The following SGCD variants were observed in gnomAD, a reference collection of about 807,000 sequenced individuals.
SGCD encodes the protein sarcoglycan delta.
In SGCD, 18 loss-of-function variants were observed where a neutral mutation model predicts 36.6. The observed-to-expected ratio is 0.49, with a 90% CI of 0.34 to 0.73. The LOEUF (loss-of-function observed/expected upper bound fraction) is 0.73, where lower values mean the gene tolerates loss of function less well. Among genes scored for constraint, SGCD ranks in the 30% least tolerant of loss-of-function variants. The pLI, the probability that SGCD is intolerant of heterozygous loss-of-function variation, is 0.01. For synonymous variants in SGCD, 133 were observed against 130.6 expected (o/e 1.02, Z -0.12); for missense variants, 387 against 346.7 (o/e 1.12, Z -0.92).
chr5:156,366,714 C>T (rs1770126112), intron 3 of SGCD, among the ~76,000 whole-genome samples: 1 of 152,070 alleles, frequency 6.6e-6, no homozygotes, highest in South Asian at 2.1e-4. Flanking sequence ...TGAGCTGAAC[C>T]TAGTGTCAGT....
chr5:156,591,079 C>A (rs1760707030), intron 5 of SGCD, among the ~76,000 whole-genome samples: 1 of 152,022 alleles, frequency 6.6e-6, no homozygotes, highest in South Asian at 2.1e-4. Context: ...TGCAACAATA[C>A]ACCCTTAAAA....
intron 3 of SGCD, among the ~76,000 whole-genome samples, chr5:156,145,419 A>G (rs1762687378): frequency 6.6e-6 from 1 of 152,198 alleles, no homozygotes; most frequent in African/African-American, 2.4e-5. Context: ...CCAGTCTCAG[A>G]TATTTCTTTA....
At chr5:156,671,707 A>G (rs948358070) in intron 7 of SGCD, among the ~76,000 whole-genome samples, 1 of 152,194 alleles carries the variant, frequency 6.6e-6, no homozygotes, top group African/African-American at 2.4e-5. Context: ...GTGTCAGTGC[A>G]TTTTGCATTG....
intron 3 of SGCD, among the ~76,000 whole-genome samples, chr5:156,146,278 TA>T (rs1283224235): frequency 1.3e-5 from 2 of 152,156 alleles, no homozygotes; most frequent in Non-Finnish European, 2.9e-5. Context: ...CATTCAAAGA[TA>T]AATAAACATC....
chr5:156,347,691 C>A (rs1332074561), intron 3 of SGCD, among the ~76,000 whole-genome samples: 1 of 152,056 alleles, frequency 6.6e-6, no homozygotes, highest in Non-Finnish European at 1.5e-5. Flanking sequence ...TTTGTAGAAC[C>A]TGTAAGATTT....
chr5:156,106,147 G>A (rs996615783), intron 1 of SGCD, among the ~76,000 whole-genome samples: 8 of 146,858 alleles, frequency 5.4e-5, no homozygotes, highest in Non-Finnish European at 9.0e-5. Flanking sequence ...AAAGAAAGCA[G>A]GAGAATAATA....
intron 3 of SGCD, among the ~76,000 whole-genome samples, chr5:156,438,603 T>C (rs574748468): frequency 2.0e-5 from 3 of 152,276 alleles, no homozygotes; most frequent in Admixed American, 1.3e-4. Flanking sequence ...TTCTCTCCTG[T>C]TTATAAAATT....
chr5:155,770,111 T>G, the SGCD span, among the ~76,000 whole-genome samples: 1 of 152,104 alleles, frequency 6.6e-6, no homozygotes, highest in Non-Finnish European at 1.5e-5. Context: ...CCTGGTATCG[T>G]GCTGGGTGCT....
At chr5:156,224,886 G>T (rs1001159306) in intron 3 of SGCD, among the ~76,000 whole-genome samples, 2 of 152,066 alleles carry the variant, frequency 1.3e-5, no homozygotes, top group African/African-American at 4.8e-5. Context: ...TATTGTACAA[G>T]ATAAAGTAGA....
intron 3 of SGCD, among the ~76,000 whole-genome samples, chr5:156,171,101 A>G (rs1038321754): frequency 1.3e-5 from 2 of 152,186 alleles, no homozygotes; most frequent in African/African-American, 4.8e-5. Context: ...GGACATTGGA[A>G]ATATACATCT....
rs546837996 is a variant in SGCD at position 156,250,874 on chromosome 5, G to C, written c.-43-78660G>C. On this transcript the variant is annotated intron_variant, in intron 3 of 9. Transcript: ENST00000517913. Reference sequence around the variant, plus strand: ...GTGTAAGTCTGTAGGGAAAGTAATGGTAATAAAGAGATAACCAAGTATCTT... The same window carrying C: ...GTGTAAGTCTGTAGGGAAAGTAATGCTAATAAAGAGATAACCAAGTATCTT... Among the ~76,000 whole-genome samples, 9 of 152,126 alleles carry C rather than the reference G, an allele frequency of 5.9e-5. No homozygotes were observed. In the East Asian group the frequency reaches 1.7e-3, roughly 29 times the overall value.
At chr5:156,077,679 A>G (rs1260834943) in intron 1 of SGCD, among the ~76,000 whole-genome samples, 1 of 152,062 alleles carries the variant, frequency 6.6e-6, no homozygotes, top group East Asian at 1.9e-4. Context: ...TAGTCTTGAA[A>G]TCTTCATTTA....
chr5:156,139,783 C>T (rs1320283742), intron 3 of SGCD, among the ~76,000 whole-genome samples: 1 of 152,080 alleles, frequency 6.6e-6, no homozygotes, highest in African/African-American at 2.4e-5. Context: ...TGCTATGGTT[C>T]GAAGGATGAT....
rs187625505 is a variant in SGCD, at chr5:156,469,303, C to T, written c.193-39298C>T. Among the ~76,000 whole-genome samples the T allele has an allele frequency of 8.2e-3, 1,252 of 152,238 alleles. 20 individuals carry two copies. Among genetic ancestry groups the T allele is most frequent in the African/African-American group, 0.029 (1,195 of 41,542 alleles). ...CCATGACACAAAAGGATTAACAAAT[C>T]GTGTTATTAAACAGTCCAAAAGCGT... is the stretch of plus-strand genomic sequence containing the variant. On this transcript the variant is annotated intron_variant, in intron 3 of 8. Transcript: ENST00000337851.
chr5:155,768,412 T>C, the SGCD span, among the ~76,000 whole-genome samples: 3 of 152,048 alleles, frequency 2.0e-5, no homozygotes, highest in African/African-American at 7.2e-5. Context: ...TATTAGACAC[T>C]GAGATACAAT....
chr5:155,958,009 A>T (rs1757702058), intron 1 of SGCD, among the ~76,000 whole-genome samples: 1 of 152,026 alleles, frequency 6.6e-6, no homozygotes, highest in African/African-American at 2.4e-5. Context: ...AGGAAAGTCA[A>T]CAGCTGGGAG....
At chr5:155,807,005 ATAAT>A in the SGCD span, among the ~76,000 whole-genome samples, 1 of 152,248 alleles carries the variant, frequency 6.6e-6, no homozygotes, top group Admixed American at 6.5e-5. Flanking sequence ...GGATGGATAA[ATAAT>A]AACACATGTG....
chr5:156,114,307 A>G (rs1244950904), intron 1 of SGCD, among the ~76,000 whole-genome samples: 1 of 152,036 alleles, frequency 6.6e-6, no homozygotes, highest in African/African-American at 2.4e-5. Context: ...TGCGAACCTA[A>G]AACTGCTATA....
At chr5:156,143,375 T>C (rs919759272) in intron 3 of SGCD, among the ~76,000 whole-genome samples, 2 of 152,046 alleles carry the variant, frequency 1.3e-5, no homozygotes, top group African/African-American at 4.8e-5. Flanking sequence ...AGAGGAGAAA[T>C]GTGAGACTGG....
Sources: allele counts gnomAD v4.1 joint callset (sites outside exome capture counted in the v4.1 genomes callset), GRCh38; gene constraint gnomAD v4.1.1; transcripts MANE v1.5; gene names NCBI Gene and HGNC (gene_info 2026-07-23, HGNC 2026-07-21).